The following FAM107A variants were observed in gnomAD, a reference collection of about 807,000 sequenced individuals.
FAM107A encodes the protein family with sequence similarity 107 member A.
In FAM107A, 19 loss-of-function variants were observed where a neutral mutation model predicts 13.7. The observed-to-expected ratio is 1.38, with a 90% confidence interval of 0.97 to 2.03. The LOEUF (loss-of-function observed/expected upper bound fraction) is 2.03, where lower values mean the gene tolerates loss of function less well. FAM107A is among the 30% of genes most tolerant of loss of function. The pLI is 0.00. For synonymous variants in FAM107A, 82 were observed against 74.5 expected (o/e 1.10, Z -0.52); for missense variants, 203 against 184.4 (o/e 1.10, Z -0.58).
intron 1 of FAM107A, among the ~76,000 whole-genome samples, chr3:58,626,647 C>T (rs2066020833): frequency 6.6e-6 from 1 of 152,206 alleles, no homozygotes; most frequent in Non-Finnish European, 1.5e-5. Context: ...TATCCACCTG[C>T]ATCAGACACT....
chr3:58,573,199 G>C (rs1203805386), intron 1 of FAM107A, among the ~76,000 whole-genome samples: 1 of 152,174 alleles, frequency 6.6e-6, no homozygotes, highest in Non-Finnish European at 1.5e-5. Context: ...GCCACTCAGG[G>C]TGCTGAACCC....
chr3:58,618,578 T>C (rs1395836935), intron 1 of FAM107A, among the ~76,000 whole-genome samples: 16 of 152,172 alleles, frequency 1.1e-4, no homozygotes, highest in Non-Finnish European at 4.4e-5. Flanking sequence ...ACGAGGAAGA[T>C]TGGATTAGGA....
chr3:58,568,623 G>T (rs778735800), intron 2 of FAM107A, among the ~76,000 whole-genome samples: 21 of 151,314 alleles, frequency 1.4e-4, no homozygotes, highest in Non-Finnish European at 2.7e-4. Context: ...CAGAGAAAAT[G>T]CTCATATTAT....
At chr3:58,582,778 A>T (rs12633195) in intron 1 of FAM107A, among the ~76,000 whole-genome samples, 64,084 of 152,034 alleles carry the variant, frequency 0.42, 14,491 homozygotes, top group East Asian at 0.53. Flanking sequence ...TATTTTGATA[A>T]CTCACTTAAG....
upstream of FAM107A, among the ~76,000 whole-genome samples, chr3:58,579,656 T>A (rs777565807): frequency 2.0e-4 from 31 of 152,176 alleles, no homozygotes; most frequent in Admixed American, 2.0e-3. Flanking sequence ...CCAATCCCAG[T>A]GCCTTCTAAC....
At chr3:58,566,961 A>T (rs1445656748) in intron 3 of FAM107A, 1 of 611,266 alleles carries the variant, frequency 1.6e-6, no homozygotes, top group Non-Finnish European at 2.9e-6. Flanking sequence ...GACAGTTATA[A>T]GAATGAAATC....
intron 1 of FAM107A, among the ~76,000 whole-genome samples, chr3:58,571,324 T>G (rs141870947): frequency 4.6e-5 from 7 of 152,156 alleles, no homozygotes; most frequent in Non-Finnish European, 1.0e-4. Flanking sequence ...CTGGAAAAAG[T>G]GTTAATTATT....
chr3:58,566,383 T>C lies in FAM107A; in HGVS notation c.*205A>G. 1.8e-6 allele frequency: 1 copy of C among 562,650 alleles called. No individual in the cohort carries two copies. The highest frequency in any genetic ancestry group is 3.1e-6 in the Non-Finnish European group (1 of 318,256). The allele number at this position is 562,650 out of a possible 1,614,324, so 34.9% of individuals were successfully genotyped here. A position where few individuals can be genotyped will look rare whatever the true frequency, so the allele number is the denominator to read the frequency against. Reference sequence around the variant, plus strand: ...GTTATCCCTCTTGGAGCAGGAGGGCTGGGTGCTTGGAAGGAAAACCTAGGA... The same window carrying C: ...GTTATCCCTCTTGGAGCAGGAGGGCCGGGTGCTTGGAAGGAAAACCTAGGA... On this transcript the variant is annotated 3_prime_UTR_variant, in exon 4 of 4. Transcript: ENST00000360997.
At chr3:58,583,304 G>A (rs2108059080) in intron 1 of FAM107A, among the ~76,000 whole-genome samples, 1 of 152,282 alleles carries the variant, frequency 6.6e-6, no homozygotes, top group Admixed American at 6.5e-5. Flanking sequence ...AATATCTATG[G>A]TGAGCATGTC....
At position 58,617,355 on chromosome 3, in the gene FAM107A, G is replaced by T. The variant is rs2108083346; in HGVS notation, c.-70+10061C>A. On this transcript the variant is annotated intron_variant, in intron 1 of 3. Coordinates refer to the FAM107A transcript ENST00000465970. This position sits in a 1 kb window ranked among gnomAD's most constrained non-coding sequence, Gnocchi z 4.5. ...CCCATTTCTGGCTGAGCTCCTGCAG[G>T]TTCTAGGTGTGACATCATCCCTATG... Among the ~76,000 whole-genome samples the T allele has an allele frequency of 6.6e-6, 1 of 152,186 alleles. No individual in the cohort carries two copies. The highest frequency in any genetic ancestry group is 2.1e-4 in the South Asian group (1 of 4,812).
rs368606549 is a variant in FAM107A, at chr3:58,564,671, T to C, written c.*1917A>G. On this transcript the variant is annotated 3_prime_UTR_variant, in exon 4 of 4. Coordinates refer to ENST00000360997, the MANE Select transcript of FAM107A (RefSeq NM_001076778.3). This position sits in a 1 kb window ranked among gnomAD's most constrained non-coding sequence, Gnocchi z 5.6. ...GAGAGCCCTCGTCCATCTGAGACCC[T>C]CTGTCTTGCTTCTCTTCACATGTCT... 36 of 152,388 alleles carry C rather than the reference T, an allele frequency of 2.4e-4. No homozygotes were observed. The highest frequency in any genetic ancestry group is 8.7e-4 in the African/African-American group (36 of 41,590). The allele number at this position is 152,388 out of a possible 1,614,324, so 9.4% of individuals were successfully genotyped here. A position where few individuals can be genotyped will look rare whatever the true frequency, so the allele number is the denominator to read the frequency against.
At chr3:58,578,194 A>G (rs1287521139), upstream of FAM107A, among the ~76,000 whole-genome samples, 3 of 152,256 alleles carry the variant, frequency 2.0e-5, no homozygotes, top group Non-Finnish European at 2.9e-5. Flanking sequence ...ATCTGAGGCC[A>G]GAGCCCAGCA....
At chr3:58,606,464 G>A (rs1397494121) in intron 1 of FAM107A, among the ~76,000 whole-genome samples, 1 of 152,212 alleles carries the variant, frequency 6.6e-6, no homozygotes, top group Non-Finnish European at 1.5e-5. Context: ...TTACTCTCTT[G>A]CTCTGCTGCC....
At position 58,617,293 on chromosome 3, in the gene FAM107A, A is replaced by G. The variant is rs183231753; in HGVS notation, c.-70+10123T>C. Among the ~76,000 whole-genome samples, 1 of 152,188 alleles carries G rather than the reference A, an allele frequency of 6.6e-6. No homozygotes were observed. Among genetic ancestry groups the G allele is most frequent in the Admixed American group, 6.5e-5 (1 of 15,284 alleles). On this transcript the variant is annotated intron_variant, in intron 1 of 3. Transcript: ENST00000465970. The surrounding 1 kb of genome is among the most constrained non-coding windows in gnomAD (Gnocchi z 4.5). ...TCCCAGAGCTCAGGTGGGTGGAGAA[A>G]AATCCCCGGATGGTCCCTCAAAAGG...
chr3:58,606,102 G>A (rs1392074753), intron 1 of FAM107A, among the ~76,000 whole-genome samples: 2 of 151,952 alleles, frequency 1.3e-5, no homozygotes, highest in Non-Finnish European at 2.9e-5. Context: ...TCTCTTTTTT[G>A]TTTGTTTGTT....
In FAM107A at chr3:58,565,232, A is replaced by T. The variant is rs2063608017; in HGVS notation, c.*1356T>A. 6.6e-6 allele frequency: 1 copy of T among 152,066 alleles called. No individual in the cohort carries two copies. The highest frequency in any genetic ancestry group is 6.6e-5 in the Admixed American group (1 of 15,256). 9.4% of individuals were successfully genotyped at this position (152,066 alleles called of 1,614,324 possible). ...GGTCTCACACAGGAAAGGCCTTCTGAAGAAGAAAAATGGGTGAATTCACTG... is the reference window on the plus strand; with the variant it reads ...GGTCTCACACAGGAAAGGCCTTCTGTAGAAGAAAAATGGGTGAATTCACTG... On this transcript the variant is annotated 3_prime_UTR_variant, in exon 4 of 4. Transcript: ENST00000360997.
intron 1 of FAM107A, chr3:58,570,393 G>T (rs2063669531): frequency 3.0e-6 from 3 of 984,880 alleles, no homozygotes; most frequent in Non-Finnish European, 3.6e-6. Context: ...CATCAAAGAG[G>T]AGAGCATGAA....
At position 58,566,491 on chromosome 3, in the gene FAM107A, C is replaced by A; in HGVS notation, c.*97G>T. 2.4e-6 allele frequency: 2 copies of A among 820,210 alleles called. No individual in the cohort carries two copies. Among genetic ancestry groups the A allele is most frequent in the Non-Finnish European group, 4.1e-6 (2 of 491,272 alleles). 50.8% of individuals were successfully genotyped at this position (820,210 alleles called of 1,614,324 possible). On this transcript the variant is annotated 3_prime_UTR_variant, in exon 4 of 4. Coordinates refer to ENST00000360997, the MANE Select transcript of FAM107A (RefSeq NM_001076778.3). ...CAGAAGCAGGTGGGAACATCACAGA[C>A]GTCCCAGGGCCTGGGGCCCAGGGCT... is the stretch of plus-strand genomic sequence containing the variant.
At chr3:58,581,029 C>G (rs1260312811), upstream of FAM107A, among the ~76,000 whole-genome samples, 4 of 152,200 alleles carry the variant, frequency 2.6e-5, no homozygotes, top group Non-Finnish European at 5.9e-5. Context: ...GGCGTTTACT[C>G]CAGGTAATTG....
Sources: gnomAD v4.1 joint callset for allele counts (sites outside exome capture counted in the v4.1 genomes callset) on GRCh38, gnomAD v4.1.1 for gene constraint, Gnocchi (gnomAD v3.1) non-coding constraint, MANE v1.5 for transcripts, NCBI Gene and HGNC (gene_info 2026-07-23, HGNC 2026-07-21) for gene names.